MICU3: variants seen among roughly 807,000 people sequenced by gnomAD.
The protein encoded by MICU3 is calcium uptake protein 3, mitochondrial.
MICU3 carries 62 observed loss-of-function variants against 66.5 expected under a neutral mutation model. That is an observed-to-expected ratio of 0.93 (90% CI 0.76 to 1.15). The LOEUF (loss-of-function observed/expected upper bound fraction) is 1.15, where lower values mean the gene tolerates loss of function less well. Among genes scored for constraint, MICU3 ranks in the 50% most tolerant of loss-of-function variants. The pLI is 0.00. For missense variants in MICU3, 779 were observed against 664.4 expected (o/e 1.17, Z -1.90); for synonymous variants, 308 against 240.7 (o/e 1.28, Z -2.59).
chr8:17,047,703 G>C, intron 1 of MICU3, among the ~76,000 whole-genome samples: 1 of 152,138 alleles, frequency 6.6e-6, no homozygotes, highest in East Asian at 1.9e-4. Context: ...CTGCCACTTA[G>C]ATTTCTATAC....
rs185419056 is a variant in MICU3, at chr8:17,069,233, G to T, written c.536-455G>T. On this transcript the variant is annotated intron_variant, in intron 2 of 14. Coordinates refer to ENST00000318063, the MANE Select transcript of MICU3 (RefSeq NM_181723.3). Reference sequence around the variant, plus strand: ...CCCCAATCCTTCTTCATCCTAGAGAGACCTGACCTGTGAATTACGTCATGG... The same window carrying T: ...CCCCAATCCTTCTTCATCCTAGAGATACCTGACCTGTGAATTACGTCATGG... Among the ~76,000 whole-genome samples the T allele has an allele frequency of 3.5e-3, 528 of 152,052 alleles. 10 individuals carry two copies. The highest frequency in any genetic ancestry group is 0.031 in the Admixed American group (478 of 15,264).
At chr8:17,032,549 C>G (rs1812269067) in intron 1 of MICU3, among the ~76,000 whole-genome samples, 1 of 152,164 alleles carries the variant, frequency 6.6e-6, no homozygotes, top group Admixed American at 6.5e-5. Context: ...TTTTTTATCT[C>G]TTTCATATCT....
At chr8:17,058,256 G>A (rs1046819595) in intron 1 of MICU3, among the ~76,000 whole-genome samples, 4 of 152,204 alleles carry the variant, frequency 2.6e-5, no homozygotes, top group South Asian at 4.1e-4. Context: ...TTTTAAATTG[G>A]AAATTAACCT....
chr8:17,050,110 G>A lies in MICU3; in HGVS notation c.382-13974G>A, dbSNP rs574589786. 4.0e-4 allele frequency among the ~76,000 whole-genome samples: 61 copies of A among 152,022 alleles called. 1 individual carries two copies. Among genetic ancestry groups the A allele is most frequent in the African/African-American group, 1.4e-3 (59 of 41,464 alleles). ...GGAAACATGCTGCAGTGACTATCCA[G>A]GGATCTTAAGTACATGCAAATATTG... On this transcript the variant is annotated intron_variant, in intron 1 of 14. Coordinates refer to ENST00000318063, the MANE Select transcript of MICU3 (RefSeq NM_181723.3).
At chr8:17,078,990 T>C (rs1820782500) in intron 4 of MICU3, among the ~76,000 whole-genome samples, 1 of 152,178 alleles carries the variant, frequency 6.6e-6, no homozygotes, top group Admixed American at 6.6e-5. Context: ...TTCAAACATT[T>C]TTCTTAATAT....
At chr8:17,102,931 G>C (rs1218914147) in intron 9 of MICU3, among the ~76,000 whole-genome samples, 1 of 151,982 alleles carries the variant, frequency 6.6e-6, no homozygotes, top group Non-Finnish European at 1.5e-5. Flanking sequence ...GAGGTTATAT[G>C]CTGGAAATGA....
intron 13 of MICU3, among the ~76,000 whole-genome samples, chr8:17,117,151 A>AT (rs36003547): frequency 1.3e-5 from 2 of 151,336 alleles, no homozygotes; most frequent in East Asian, 2.0e-4. Context: ...CTAATTTATA[A>AT]TTTTTTTTAC....
At chr8:17,082,886 C>T (rs1182562217) in intron 5 of MICU3, among the ~76,000 whole-genome samples, 3 of 152,126 alleles carry the variant, frequency 2.0e-5, no homozygotes, top group Admixed American at 6.6e-5. Flanking sequence ...TGTACATGCA[C>T]TCACATATGT....
At chr8:17,066,486 G>A (rs1420153418) in intron 2 of MICU3, among the ~76,000 whole-genome samples, 2 of 140,070 alleles carry the variant, frequency 1.4e-5, no homozygotes, top group Admixed American at 1.4e-4. Flanking sequence ...AAACATATTT[G>A]AAAGCTATTC....
intron 1 of MICU3, among the ~76,000 whole-genome samples, chr8:17,038,280 T>C (rs1813397657): frequency 6.6e-6 from 1 of 152,036 alleles, no homozygotes; most frequent in African/African-American, 2.4e-5. Context: ...TGGGAGATAA[T>C]TGAATCGTGG....
At chr8:17,046,505 A>G (rs1815116368) in intron 1 of MICU3, among the ~76,000 whole-genome samples, 1 of 152,200 alleles carries the variant, frequency 6.6e-6, no homozygotes, top group Non-Finnish European at 1.5e-5. Flanking sequence ...AAATGTAACT[A>G]AATACCACAC....
intron 8 of MICU3, among the ~76,000 whole-genome samples, chr8:17,094,661 A>G (rs1252545457): frequency 6.6e-6 from 1 of 151,878 alleles, no homozygotes; most frequent in Non-Finnish European, 1.5e-5. Flanking sequence ...AAAAATGTCT[A>G]CCAGGTACTG....
intron 1 of MICU3, among the ~76,000 whole-genome samples, chr8:17,051,035 G>C (rs1046170168): frequency 6.6e-6 from 1 of 151,946 alleles, no homozygotes; most frequent in African/African-American, 2.4e-5. Context: ...GTCTTCAATT[G>C]GTTACACATA....
intron 1 of MICU3, among the ~76,000 whole-genome samples, chr8:17,054,995 C>T (rs1277423250): frequency 1.3e-5 from 2 of 152,088 alleles, no homozygotes; most frequent in Admixed American, 1.3e-4. Context: ...CCTCAGCCTC[C>T]TAAAGTGCTG....
chr8:17,105,597 C>T lies in MICU3; in HGVS notation c.1257+13C>T. The T allele has an allele frequency of 1.4e-6, 2 of 1,462,720 alleles. No homozygotes were observed. The highest frequency in any genetic ancestry group is 1.8e-6 in the Non-Finnish European group (2 of 1,091,670). 90.6% of individuals were successfully genotyped at this position (1,462,720 alleles called of 1,614,324 possible). On this transcript the variant is annotated intron_variant, in intron 11 of 14. Coordinates refer to ENST00000318063, the MANE Select transcript of MICU3 (RefSeq NM_181723.3). ...ACCTGAAGAAAAGGTATCTAATCCT[C>T]ATATTTAGTTGGTTATGTTACTGTT...
intron 2 of MICU3, among the ~76,000 whole-genome samples, chr8:17,065,230 A>AT (rs924361725): frequency 6.6e-6 from 1 of 152,120 alleles, no homozygotes; most frequent in Non-Finnish European, 1.5e-5. Flanking sequence ...AATTATAGCC[A>AT]TTTTTTCCTC....
chr8:17,068,057 T>A (rs942581912), intron 2 of MICU3, among the ~76,000 whole-genome samples: 2 of 152,148 alleles, frequency 1.3e-5, no homozygotes, highest in South Asian at 4.1e-4. Flanking sequence ...TTTAGATTTT[T>A]AAAAATATAT....
intron 9 of MICU3, among the ~76,000 whole-genome samples, chr8:17,100,512 C>A (rs996459730): frequency 6.6e-6 from 1 of 151,558 alleles, no homozygotes; most frequent in African/African-American, 2.4e-5. Flanking sequence ...ACTGTGAATA[C>A]CAGCGGAACA....
chr8:17,129,174 A>G, the MICU3 span, among the ~76,000 whole-genome samples: 8 of 152,238 alleles, frequency 5.3e-5, no homozygotes, highest in South Asian at 2.1e-4. Context: ...GCTACCTGCC[A>G]GAACAAAACT....
Sources: gnomAD v4.1 joint callset for allele counts (sites outside exome capture counted in the v4.1 genomes callset) on GRCh38, gnomAD v4.1.1 for gene constraint, MANE v1.5 for transcripts, NCBI Gene and HGNC (gene_info 2026-07-23, HGNC 2026-07-21) for gene names.